The following ANKRD30A variants were observed in gnomAD, a reference collection of about 807,000 sequenced individuals.
The protein encoded by ANKRD30A is ankyrin repeat domain-containing protein 30A.
A neutral mutation model predicts 166.3 loss-of-function variants in ANKRD30A; 170 were observed. The ratio of observed to expected loss-of-function variants is 1.02; its 90% CI spans 0.90 to 1.16. The LOEUF (loss-of-function observed/expected upper bound fraction) is 1.16. ANKRD30A is among the 50% of genes most tolerant of loss of function. ANKRD30A has a pLI of 0.00. For synonymous variants in ANKRD30A, 564 were observed against 508.9 expected, an observed-to-expected ratio of 1.11 and a Z score of -1.46; for missense variants, 1,630 against 1,518.0, an observed-to-expected ratio of 1.07 and a Z score of -1.23.
At position 37,217,702 on chromosome 10, in the gene ANKRD30A, T is replaced by G; in HGVS notation, c.3091T>G (p.Leu1031Val). 1.3e-6 allele frequency: 2 copies of G among 1,555,674 alleles called. No homozygotes were observed. The highest frequency in any genetic ancestry group is 1.7e-6 in the Non-Finnish European group (2 of 1,156,574). Residue 1031 changes from leucine to valine, a missense_variant, in exon 33 of 36, where the codon TTA (leucine) becomes GTA (valine). By Grantham distance (32) the Leu-to-Val change is conservative (BLOSUM62 1). This residue lies in a region of ANKRD30A where 712 missense variants were observed against 629.3 expected (regional missense o/e 1.13). Coordinates refer to ENST00000361713, the MANE Select transcript of ANKRD30A (RefSeq NM_052997.3). The stretch of plus-strand genomic sequence containing the variant: ...AAGTATGTTTAATGGCAGATTGACT[T>G]TAAACCAAGAAGAAGAGAAGAGAAG... ...EQELCSVRLTLNQEEEKRRNA... is the reference protein window; with the variant it reads ...EQELCSVRLTVNQEEEKRRNA...
At chr10:37,161,242 G>C (rs1277686466) in intron 15 of ANKRD30A, among the ~76,000 whole-genome samples, 1 of 152,150 alleles carries the variant, frequency 6.6e-6, no homozygotes, top group Non-Finnish European at 1.5e-5. Flanking sequence ...TTGGATAGAA[G>C]GTCAAGACAT....
rs148271885 is a variant in ANKRD30A at position 37,152,782 on chromosome 10, G to A, written c.1707+661G>A. ...AGCATGAGCGTCAAATAATAGTGATGTATTTTAAGGTCACAACTGTGGAAA... is the reference window on the plus strand; with the variant it reads ...AGCATGAGCGTCAAATAATAGTGATATATTTTAAGGTCACAACTGTGGAAA... On this transcript the variant is annotated intron_variant, in intron 12 of 35. Transcript: ENST00000361713. 5.6e-4 allele frequency among the ~76,000 whole-genome samples: 85 copies of A among 152,186 alleles called. 1 individual carries two copies. The highest frequency in any genetic ancestry group is 1.8e-3 in the African/African-American group (75 of 41,556).
intron 9 of ANKRD30A, among the ~76,000 whole-genome samples, chr10:37,147,709 T>C (rs1313958943): frequency 1.6e-5 from 2 of 124,908 alleles, no homozygotes; most frequent in African/African-American, 2.9e-5. Flanking sequence ...AGGAAACAAG[T>C]AAGGGAAAAG....
In ANKRD30A at chr10:37,144,992, T is replaced by C; in HGVS notation, c.1394-3T>C. The C allele has an allele frequency of 6.3e-7, 1 of 1,585,178 alleles. No homozygotes were observed. The highest frequency in any genetic ancestry group is 8.6e-7 in the Non-Finnish European group (1 of 1,165,196). Reference sequence around the variant, plus strand: ...GAATATATCTGTGATTAACTTTTTATAGATCAGAGGTTCCCATCAGAATCC... The same window carrying C: ...GAATATATCTGTGATTAACTTTTTACAGATCAGAGGTTCCCATCAGAATCC... On this transcript the variant is annotated splice_polypyrimidine_tract_variant and splice_region_variant and intron_variant, in intron 7 of 35. Coordinates refer to ENST00000361713, the MANE Select transcript of ANKRD30A (RefSeq NM_052997.3).
Position 37,158,502 on chromosome 10 carries a change from A to C in ANKRD30A, c.1828-12A>C. 4 of 1,613,524 alleles carry C rather than the reference A, an allele frequency of 2.5e-6. No homozygotes were observed. Among genetic ancestry groups the C allele is most frequent in the East Asian group, 2.2e-5 (1 of 44,802 alleles). On this transcript the variant is annotated splice_polypyrimidine_tract_variant and intron_variant, in intron 14 of 35. Coordinates refer to ENST00000361713, the MANE Select transcript of ANKRD30A (RefSeq NM_052997.3). ...ATTGTATATTAATTGTTTTGTTTCC[A>C]AACCCATTTAGGCTACCTGCGGAAT...
the ANKRD30A span, among the ~76,000 whole-genome samples, chr10:37,245,204 C>A: frequency 6.6e-6 from 1 of 152,058 alleles, no homozygotes; most frequent in African/African-American, 2.4e-5. Flanking sequence ...GATCCTATCA[C>A]AAATTTTATT....
At chr10:37,230,284 CAA>C (rs1395032046) in intron 34 of ANKRD30A, among the ~76,000 whole-genome samples, 1 of 151,872 alleles carries the variant, frequency 6.6e-6, no homozygotes, top group Non-Finnish European at 1.5e-5. Flanking sequence ...TAATTTGCCT[CAA>C]AAGTTTAATT....
At chr10:37,257,206 T>A in the ANKRD30A span, among the ~76,000 whole-genome samples, 1 of 152,134 alleles carries the variant, frequency 6.6e-6, no homozygotes, top group Non-Finnish European at 1.5e-5. Context: ...TATTCTCTGA[T>A]GGTAGTTTTT....
At chr10:37,147,765 G>C (rs1432879390) in intron 9 of ANKRD30A, among the ~76,000 whole-genome samples, 2 of 152,104 alleles carry the variant, frequency 1.3e-5, no homozygotes, top group Admixed American at 6.6e-5. Context: ...AGAGTACAGG[G>C]AGTTCATGAA....
chr10:37,158,676 C>G (rs969029719), intron 15 of ANKRD30A, 90 bp downstream of exon 15: 10 of 1,538,346 alleles, frequency 6.5e-6, no homozygotes, highest in African/African-American at 1.4e-5. Context: ...ATGTTGTTTT[C>G]TATTCAAAAT....
At chr10:37,248,655 G>T in the ANKRD30A span, among the ~76,000 whole-genome samples, 1 of 151,408 alleles carries the variant, frequency 6.6e-6, no homozygotes, top group Non-Finnish European at 1.5e-5. Context: ...TCTTTAGCTA[G>T]TGAGTAAAAT....
At chr10:37,143,671 G>A (rs568061352) in intron 7 of ANKRD30A, among the ~76,000 whole-genome samples, 62 of 152,154 alleles carry the variant, frequency 4.1e-4, no homozygotes, top group African/African-American at 1.4e-3. Context: ...AAAAAAAAAT[G>A]TTAGGCCATG....
intron 27 of ANKRD30A, among the ~76,000 whole-genome samples, chr10:37,195,505 G>GT (rs1376280263): frequency 6.6e-6 from 1 of 152,128 alleles, no homozygotes; most frequent in Non-Finnish European, 1.5e-5. Flanking sequence ...GCATCTGGTT[G>GT]TAACTCCAGC....
intron 6 of ANKRD30A, among the ~76,000 whole-genome samples, chr10:37,138,458 C>A (rs2132524827): frequency 6.6e-6 from 1 of 152,018 alleles, no homozygotes; most frequent in Non-Finnish European, 1.5e-5. Context: ...GAACCCATGG[C>A]AAAGAAGTTA....
intron 25 of ANKRD30A, among the ~76,000 whole-genome samples, chr10:37,191,849 G>T (rs1252584684): frequency 6.6e-6 from 1 of 151,894 alleles, no homozygotes; most frequent in African/African-American, 2.4e-5. Flanking sequence ...CAAAAAATCA[G>T]CCGGGCGTGG....
chr10:37,147,400 G>A lies in ANKRD30A; in HGVS notation c.1486G>A (p.Val496Met), dbSNP rs1837585240. 2.5e-6 allele frequency: 4 copies of A among 1,598,524 alleles called. No individual in the cohort carries two copies. Among genetic ancestry groups the A allele is most frequent in the South Asian group, 2.3e-5 (2 of 88,404 alleles). Reference protein sequence around the residue: ...SLFESSAKIQVCIPESIYQKV... With the variant: ...SLFESSAKIQMCIPESIYQKV... ...CTTTGAGAGTTCTGCAAAGATTCAA[G>A]TGTGTATACCTGAGTCTATATATCA... Residue 496 changes from valine (V) to methionine (M), a missense_variant, in exon 9 of 36, where the codon GTG (valine) becomes ATG (methionine). Physicochemically the swap from Val to Met is conservative, Grantham distance 21. Transcript: ENST00000361713.
At chr10:37,239,375 C>G in the ANKRD30A span, among the ~76,000 whole-genome samples, 1 of 152,014 alleles carries the variant, frequency 6.6e-6, no homozygotes. Context: ...AAATATCAAT[C>G]ATAATGTAGA....
chr10:37,229,435 G>A (rs1437005666), intron 34 of ANKRD30A, among the ~76,000 whole-genome samples: 1 of 151,932 alleles, frequency 6.6e-6, no homozygotes. Context: ...TATGCAATGT[G>A]TAATGCTCAA....
chr10:37,199,056 A>C (rs1841397616), intron 29 of ANKRD30A, among the ~76,000 whole-genome samples: 1 of 152,028 alleles, frequency 6.6e-6, no homozygotes, highest in African/African-American at 2.4e-5. Context: ...ATGTTTCTCC[A>C]AGGTGTCACA....
Sources: allele counts gnomAD v4.1 joint callset (sites outside exome capture counted in the v4.1 genomes callset), GRCh38; gene constraint gnomAD v4.1.1; regional missense constraint gnomAD v4.1.1; transcripts MANE v1.5; gene names NCBI Gene and HGNC (gene_info 2026-07-23, HGNC 2026-07-21).